RBFOX1: variants seen among roughly 807,000 people sequenced by gnomAD.
The protein encoded by RBFOX1 is RNA binding fox-1 homolog 1, also known as RNA binding protein fox-1 homolog 1.
Under a neutral mutation model 57.7 loss-of-function variants are expected in RBFOX1, and 8 were observed. That is an observed-to-expected ratio of 0.14 (90% confidence interval 0.08 to 0.25). RBFOX1 has a LOEUF of 0.25. RBFOX1 is among the 10% of genes least tolerant of loss of function. RBFOX1 has a pLI of 1.00. For missense variants in RBFOX1, 611 were observed against 548.5 expected, an observed-to-expected ratio of 1.11 and a Z score of -1.14; for synonymous variants, 326 against 222.4, an observed-to-expected ratio of 1.47 and a Z score of -4.15.
chr16:6,933,118 C>G (rs1373033446), intron 3 of RBFOX1, among the ~76,000 whole-genome samples: 3 of 152,162 alleles, frequency 2.0e-5, no homozygotes, highest in Admixed American at 6.5e-5. Context: ...TATGTGTAAA[C>G]CACATTTCTC....
intron 4 of RBFOX1, among the ~76,000 whole-genome samples, chr16:7,352,269 T>TC (rs2097142320): frequency 6.6e-6 from 1 of 152,132 alleles, no homozygotes; most frequent in Non-Finnish European, 1.5e-5. Flanking sequence ...GTAACCTAAA[T>TC]CTTTGCACGT....
intron 1 of RBFOX1, among the ~76,000 whole-genome samples, chr16:6,297,689 A>G (rs1310800216): frequency 6.6e-6 from 1 of 152,030 alleles, no homozygotes; most frequent in African/African-American, 2.4e-5. Context: ...TCCTATACCC[A>G]TATAAACCCC....
intron 2 of RBFOX1, among the ~76,000 whole-genome samples, chr16:6,547,532 T>C (rs944463298): frequency 2.0e-5 from 3 of 152,302 alleles, no homozygotes; most frequent in African/African-American, 4.8e-5. Flanking sequence ...GTTGTTGTTA[T>C]TGAGATATTC....
At chr16:7,578,490 C>T (rs955103821) in intron 5 of RBFOX1, among the ~76,000 whole-genome samples, 3 of 152,130 alleles carry the variant, frequency 2.0e-5, no homozygotes, top group Non-Finnish European at 2.9e-5. Flanking sequence ...CCAGTACATA[C>T]CAGGGCTGAT....
In RBFOX1 at chr16:6,220,721, C is replaced by T. The variant is rs1009306673; in HGVS notation, c.-126-96274C>T. Among the ~76,000 whole-genome samples the T allele has an allele frequency of 1.8e-3, 22 of 12,330 alleles. No individual in the cohort carries two copies. The Non-Finnish European group carries it at 0.056, about 32-fold the overall frequency. The allele number at this position is 12,330 out of a possible 152,430, so 8.1% of individuals were successfully genotyped here. ...AAAGTAAGATAATGCTATGACTAACCGCCCCCCCCCAGTGGAAAATAATGA... is the reference window on the plus strand; with the variant it reads ...AAAGTAAGATAATGCTATGACTAACTGCCCCCCCCCAGTGGAAAATAATGA... On this transcript the variant is annotated intron_variant, in intron 1 of 15. Coordinates refer to ENST00000550418, the MANE Select transcript of RBFOX1 (RefSeq NM_018723.4).
intron 4 of RBFOX1, among the ~76,000 whole-genome samples, chr16:7,171,607 G>T (rs971437623): frequency 6.6e-6 from 1 of 152,148 alleles, no homozygotes; most frequent in Admixed American, 6.5e-5. Flanking sequence ...CTGAACCGTG[G>T]TGTCTTTATC....
intron 1 of RBFOX1, among the ~76,000 whole-genome samples, chr16:6,168,063 C>A (rs567060940): frequency 2.6e-5 from 4 of 152,240 alleles, no homozygotes; most frequent in African/African-American, 9.6e-5. Flanking sequence ...GTGATATATT[C>A]AGGGAGACAT....
chr16:6,256,175 A>ATG lies in RBFOX1; in HGVS notation c.-126-60819_-126-60818insGT, dbSNP rs779732214. On this transcript the variant is annotated intron_variant, in intron 1 of 15. Transcript: ENST00000550418. ...TATATATATGTATATATATATGTAT[A>ATG]TATATATATACGTATATATATGTAT... is the stretch of plus-strand genomic sequence containing the variant. Among the ~76,000 whole-genome samples, 117 of 28,312 alleles carry ATG rather than the reference A, an allele frequency of 4.1e-3. 27 individuals carry two copies. The highest frequency in any genetic ancestry group is 7.0e-3 in the Non-Finnish European group (87 of 12,436). The allele number at this position is 28,312 out of a possible 152,430, so 18.6% of individuals were successfully genotyped here.
chr16:7,337,156 C>T (rs1756965808), intron 4 of RBFOX1, among the ~76,000 whole-genome samples: 1 of 152,118 alleles, frequency 6.6e-6, no homozygotes, highest in Admixed American at 6.5e-5. Flanking sequence ...GCTAGGTAGC[C>T]CAAGGTCACA....
intron 4 of RBFOX1, among the ~76,000 whole-genome samples, chr16:7,252,766 T>A (rs966539992): frequency 6.6e-6 from 1 of 152,072 alleles, no homozygotes; most frequent in South Asian, 2.1e-4. Context: ...TATTTCCACT[T>A]TTGATGGCAT....
chr16:7,367,403 C>G (rs1405426001), intron 4 of RBFOX1, among the ~76,000 whole-genome samples: 6 of 152,232 alleles, frequency 3.9e-5, no homozygotes, highest in Admixed American at 2.0e-4. Flanking sequence ...GTCCCTCTCT[C>G]TTCGATGGAT....
intron 4 of RBFOX1, among the ~76,000 whole-genome samples, chr16:7,209,671 T>A (rs1433376237): frequency 1.3e-5 from 2 of 152,222 alleles, no homozygotes; most frequent in Non-Finnish European, 2.9e-5. Flanking sequence ...TAAAAAAATT[T>A]TTAATCCGTA....
At chr16:5,537,248 C>T (rs551687403) in intron 2 of RBFOX1, among the ~76,000 whole-genome samples, 7 of 152,272 alleles carry the variant, frequency 4.6e-5, no homozygotes, top group African/African-American at 1.2e-4. Context: ...TCTTCTGTCA[C>T]GGTTCTCAGA....
rs1302276382 is a variant in RBFOX1 at position 5,947,973 on chromosome 16, T to G, written c.351+80638T>G. 6.6e-6 allele frequency among the ~76,000 whole-genome samples: 1 copy of G among 152,212 alleles called. No homozygotes were observed. Among genetic ancestry groups the G allele is most frequent in the Non-Finnish European group, 1.5e-5 (1 of 68,036 alleles). The stretch of plus-strand genomic sequence containing the variant: ...CACCAGATTCTTGATTGAATTCCCT[T>G]TTGACCGTGGCGCTGAGGACATATG... On this transcript the variant is annotated intron_variant, in intron 4 of 19. Coordinates refer to the RBFOX1 transcript ENST00000641259. The surrounding 1 kb of genome is among the most constrained non-coding windows in gnomAD (Gnocchi z 7.2).
intron 1 of RBFOX1, among the ~76,000 whole-genome samples, chr16:6,066,219 G>A (rs374569269): frequency 2.7e-5 from 4 of 149,484 alleles, no homozygotes; most frequent in African/African-American, 1.0e-4. Flanking sequence ...GCTTGAACTG[G>A]GGGGGTTGGA....
chr16:6,450,777 A>ATATG (rs2094579754), intron 2 of RBFOX1, among the ~76,000 whole-genome samples: 3 of 39,532 alleles, frequency 7.6e-5, no homozygotes, highest in South Asian at 1.2e-3. Context: ...GTATATATAT[A>ATATG]TATATATATA....
At chr16:6,643,063 C>G (rs1054254628) in intron 2 of RBFOX1, among the ~76,000 whole-genome samples, 2 of 152,130 alleles carry the variant, frequency 1.3e-5, no homozygotes, top group Admixed American at 6.5e-5. Context: ...GCTGAACCTT[C>G]TTAAACACAT....
chr16:5,745,388 T>C (rs2052938161), intron 3 of RBFOX1, among the ~76,000 whole-genome samples: 1 of 152,222 alleles, frequency 6.6e-6, no homozygotes, highest in African/African-American at 2.4e-5. Context: ...TTGTGAATAG[T>C]GCCGCAATAA....
chr16:7,541,435 G>T (rs2082904926), intron 5 of RBFOX1, among the ~76,000 whole-genome samples: 1 of 151,864 alleles, frequency 6.6e-6, no homozygotes, highest in East Asian at 1.9e-4. Flanking sequence ...TGCGTCAAAG[G>T]ATCTCATTAG....
Sources: gnomAD v4.1 joint callset for allele counts (sites outside exome capture counted in the v4.1 genomes callset) on GRCh38, gnomAD v4.1.1 for gene constraint, Gnocchi (gnomAD v3.1) non-coding constraint, MANE v1.5 for transcripts, NCBI Gene and HGNC (gene_info 2026-07-23, HGNC 2026-07-21) for gene names.